ITFG1: variants seen among roughly 807,000 people sequenced by gnomAD.
The protein encoded by ITFG1 is T-cell immunomodulatory protein.
A neutral mutation model predicts 81.8 loss-of-function variants in ITFG1; 34 were observed. The ratio of observed to expected loss-of-function variants is 0.42; its 90% CI spans 0.32 to 0.55. The LOEUF (loss-of-function observed/expected upper bound fraction) is 0.55. ITFG1 is among the 20% of genes least tolerant of loss of function. The probability of loss-of-function intolerance (pLI) is 0.17; values close to 1 mark genes in which losing one functional copy is unlikely to be tolerated. For missense variants in ITFG1, 672 were observed against 755.4 expected (o/e 0.89, Z 1.29); for synonymous variants, 285 against 270.6 (o/e 1.05, Z -0.52).
intron 7 of ITFG1, among the ~76,000 whole-genome samples, chr16:47,372,574 CT>C (rs1235276588): frequency 2.3e-4 from 35 of 152,130 alleles, no homozygotes; most frequent in Admixed American, 1.0e-3. Flanking sequence ...CTGCCTCAGC[CT>C]CCCAAGTAGC....
chr16:47,228,513 C>A (rs1329957817), intron 13 of ITFG1, among the ~76,000 whole-genome samples: 3 of 152,284 alleles, frequency 2.0e-5, no homozygotes, highest in South Asian at 2.1e-4. Context: ...TGTGCCACCA[C>A]ATGCAGCTAA....
chr16:47,181,057 C>T (rs1270410512), intron 14 of ITFG1, among the ~76,000 whole-genome samples: 1 of 150,418 alleles, frequency 6.6e-6, no homozygotes, highest in South Asian at 2.1e-4. Flanking sequence ...AAGTCACGAG[C>T]GCCTCTTCCA....
intron 6 of ITFG1, among the ~76,000 whole-genome samples, chr16:47,420,890 A>G (rs752678309): frequency 3.3e-5 from 5 of 152,206 alleles, no homozygotes; most frequent in Non-Finnish European, 7.3e-5. Context: ...GACAGAGTCT[A>G]TCTCTGCCTT....
intron 14 of ITFG1, among the ~76,000 whole-genome samples, chr16:47,169,327 A>G (rs926954950): frequency 2.0e-5 from 3 of 152,168 alleles, no homozygotes; most frequent in African/African-American, 4.8e-5. Context: ...ATCCATGAAT[A>G]TGGGATGTCT....
intron 10 of ITFG1, among the ~76,000 whole-genome samples, chr16:47,276,888 T>C (rs527756311): frequency 1.6e-4 from 24 of 152,318 alleles, no homozygotes; most frequent in African/African-American, 5.8e-4. Flanking sequence ...AAAGCCTACA[T>C]ATGAAAAGTA....
chr16:47,383,350 C>T lies in ITFG1; in HGVS notation c.656-7410G>A, dbSNP rs1213082024. On this transcript the variant is annotated intron_variant, in intron 6 of 17. Transcript: ENST00000320640. ...TATAAATTTTAGAATTATATTTGCC[C>T]TGACGCGTTTTCTTAGGGCAATGAA... 6.6e-5 allele frequency among the ~76,000 whole-genome samples: 10 copies of T among 152,072 alleles called. No individual in the cohort carries two copies. The East Asian group carries it at 1.9e-3, about 29-fold the overall frequency.
intron 10 of ITFG1, among the ~76,000 whole-genome samples, chr16:47,309,049 T>C (rs1416124655): frequency 6.6e-6 from 1 of 151,716 alleles, no homozygotes; most frequent in Admixed American, 6.6e-5. Context: ...AACATAATGA[T>C]ACATTATTAA....
chr16:47,260,904 G>A (rs1440217429), intron 10 of ITFG1, among the ~76,000 whole-genome samples: 1 of 152,178 alleles, frequency 6.6e-6, no homozygotes, highest in Non-Finnish European at 1.5e-5. Flanking sequence ...TGATTTTGTA[G>A]GCTAGTTGGT....
chr16:47,240,709 TC>T (rs1397498011), intron 12 of ITFG1, among the ~76,000 whole-genome samples: 1 of 152,220 alleles, frequency 6.6e-6, no homozygotes, highest in Non-Finnish European at 1.5e-5. Flanking sequence ...GGAGTATTAT[TC>T]AGCCTTAAAA....
chr16:47,429,779 T>TAACATACATAAC (rs1372140631), intron 5 of ITFG1, among the ~76,000 whole-genome samples: 1 of 152,198 alleles, frequency 6.6e-6, no homozygotes, highest in African/African-American at 2.4e-5. Context: ...TTATGTATGT[T>TAACATACATAAC]ATGTATTGCT....
chr16:47,301,301 C>T (rs1349845305), intron 10 of ITFG1, among the ~76,000 whole-genome samples: 3 of 151,924 alleles, frequency 2.0e-5, no homozygotes, highest in Non-Finnish European at 4.4e-5. Flanking sequence ...ATAAAAAGGT[C>T]AAACCTGCAA....
At chr16:47,377,692 C>T (rs1968344650) in intron 6 of ITFG1, among the ~76,000 whole-genome samples, 2 of 152,260 alleles carry the variant, frequency 1.3e-5, no homozygotes, top group Middle Eastern at 3.4e-3. Context: ...CATAGCTTTC[C>T]CTCCGCTGTT....
At chr16:47,254,670 G>T (rs541640612) in intron 12 of ITFG1, among the ~76,000 whole-genome samples, 1 of 152,192 alleles carries the variant, frequency 6.6e-6, no homozygotes, top group South Asian at 2.1e-4. Context: ...CTGAGCACAG[G>T]GAGAACTTGA....
intron 14 of ITFG1, among the ~76,000 whole-genome samples, chr16:47,188,384 C>T (rs1359186547): frequency 6.6e-6 from 1 of 151,376 alleles, no homozygotes; most frequent in African/African-American, 2.4e-5. Context: ...CAATGATAGA[C>T]TGGATTAAGA....
At chr16:47,218,972 A>C in intron 13 of ITFG1, 26 bp from the exon 14 acceptor site, 2 of 1,489,414 alleles carry the variant, frequency 1.3e-6, no homozygotes, top group Non-Finnish European at 1.8e-6. Flanking sequence ...AAAATAGTTA[A>C]GGCTTGGAAA....
At chr16:47,172,946 C>G (rs1964979183) in intron 14 of ITFG1, among the ~76,000 whole-genome samples, 1 of 152,196 alleles carries the variant, frequency 6.6e-6, no homozygotes, top group African/African-American at 2.4e-5. Flanking sequence ...TCTTCATTTT[C>G]TACTCTGTAA....
At chr16:47,236,806 T>C (rs1335866396) in intron 13 of ITFG1, among the ~76,000 whole-genome samples, 28 of 152,160 alleles carry the variant, frequency 1.8e-4, no homozygotes, top group Non-Finnish European at 2.9e-5. Flanking sequence ...GCAGTGACTG[T>C]GGTGACGCCT....
chr16:47,197,877 A>T (rs1234600168), intron 14 of ITFG1, among the ~76,000 whole-genome samples: 1 of 152,170 alleles, frequency 6.6e-6, no homozygotes. Context: ...TTTCTTCATC[A>T]TGAGAACTAC....
intron 10 of ITFG1, among the ~76,000 whole-genome samples, chr16:47,309,982 G>T (rs1436479552): frequency 6.6e-6 from 1 of 152,124 alleles, no homozygotes; most frequent in Non-Finnish European, 1.5e-5. Flanking sequence ...GTGCCACTAT[G>T]CTTTTAAAAA....
Sources: gnomAD v4.1 joint callset for allele counts (sites outside exome capture counted in the v4.1 genomes callset) on GRCh38, gnomAD v4.1.1 for gene constraint, MANE v1.5 for transcripts, NCBI Gene and HGNC (gene_info 2026-07-23, HGNC 2026-07-21) for gene names.